ZFP1: variants seen among roughly 807,000 people sequenced by gnomAD.
The protein encoded by ZFP1 is ZFP1 zinc finger protein.
In ZFP1, 32 loss-of-function variants were observed where a neutral mutation model predicts 38.5. The observed-to-expected ratio is 0.83, with a 90% CI of 0.63 to 1.12. The LOEUF is 1.12. ZFP1 is among the 50% of genes most tolerant of loss of function. The probability of loss-of-function intolerance (pLI) is 0.00; values close to 1 mark genes in which losing one functional copy is unlikely to be tolerated. For synonymous variants in ZFP1, 245 were observed against 168.8 expected, an observed-to-expected ratio of 1.45 and a Z score of -3.50; for missense variants, 616 against 480.8, an observed-to-expected ratio of 1.28 and a Z score of -2.63.
chr16:75,121,896 A>G, the ZFP1 span, among the ~76,000 whole-genome samples: 2 of 152,218 alleles, frequency 1.3e-5, no homozygotes, highest in Non-Finnish European at 2.9e-5. Flanking sequence ...GCCAGCATAC[A>G]TTTTTGTTTG....
chr16:75,170,534 A>C lies in ZFP1; in HGVS notation c.*200A>C, dbSNP rs1398063151. The C allele has an allele frequency of 1.3e-6, 1 of 755,548 alleles. No individual in the cohort carries two copies. The highest frequency in any genetic ancestry group is 1.9e-6 in the Non-Finnish European group (1 of 527,062). The allele number at this position is 755,548 out of a possible 1,614,324, so 46.8% of individuals were successfully genotyped here. On this transcript the variant is annotated 3_prime_UTR_variant, in exon 4 of 4. Coordinates refer to ENST00000570010, the MANE Select transcript of ZFP1 (RefSeq NM_153688.4). Reference sequence around the variant, plus strand: ...TACCCAGCTAAAGAATACATATCAGAATATATCCAGTTGTAAATAGCCATA... The same window carrying C: ...TACCCAGCTAAAGAATACATATCAGCATATATCCAGTTGTAAATAGCCATA...
At chr16:75,149,475 A>G (rs1380993041) in intron 1 of ZFP1, among the ~76,000 whole-genome samples, 1 of 152,118 alleles carries the variant, frequency 6.6e-6, no homozygotes, top group Admixed American at 6.5e-5. Context: ...GTTTCTGTCA[A>G]CGAGGGACCT....
intron 2 of ZFP1, among the ~76,000 whole-genome samples, chr16:75,165,924 C>T (rs2038052231): frequency 6.6e-6 from 1 of 152,092 alleles, no homozygotes; most frequent in Non-Finnish European, 1.5e-5. Flanking sequence ...TTTTGCATTT[C>T]AGTTTAGATA....
the ZFP1 span, among the ~76,000 whole-genome samples, chr16:75,135,769 G>C: frequency 6.6e-6 from 1 of 152,178 alleles, no homozygotes; most frequent in African/African-American, 2.4e-5. Flanking sequence ...ACCACACTGA[G>C]TGAAACAATA....
upstream of ZFP1, among the ~76,000 whole-genome samples, chr16:75,143,869 G>T (rs1189974032): frequency 6.6e-6 from 1 of 151,640 alleles, no homozygotes; most frequent in South Asian, 2.1e-4. Context: ...CCCCAGGCTT[G>T]TCTCAAACTC....
Position 75,169,441 on chromosome 16 carries a change from A to G in ZFP1, c.331A>G (p.Lys111Glu). 6.2e-7 allele frequency: 1 copy of G among 1,612,830 alleles called. No homozygotes were observed. The highest frequency in any genetic ancestry group is 8.5e-7 in the Non-Finnish European group (1 of 1,179,716). ...ACCTTATAAATATGACTTATATGAA[A>G]AAACTTTGAAATATAATTCAGACTT... ...QVPYKYDLYEKTLKYNSDLLN... is the reference protein window; with the variant it reads ...QVPYKYDLYEETLKYNSDLLN... The change falls in exon 4 of 4, where the codon AAA becomes GAA. Residue 111 changes from lysine to glutamate, a missense_variant. Transcript: ENST00000570010.
upstream of ZFP1, among the ~76,000 whole-genome samples, chr16:75,145,341 A>C (rs1298937658): frequency 4.6e-5 from 7 of 152,232 alleles, no homozygotes; most frequent in Admixed American, 3.3e-4. Flanking sequence ...TGATGCAGCC[A>C]CTTTGGAAGA....
rs2037794164 is a variant in ZFP1 at position 75,161,770 on chromosome 16, ATATATTT to A, written c.16-4998_16-4992del. Among the ~76,000 whole-genome samples, 3 of 8,146 alleles carry A rather than the reference ATATATTT, an allele frequency of 3.7e-4. 1 individual carries two copies. In the Admixed American group the frequency reaches 5.9e-3, roughly 16 times the overall value. The allele number at this position is 8,146 out of a possible 152,430, so 5.3% of individuals were successfully genotyped here. A position where few individuals can be genotyped will look rare whatever the true frequency, so the allele number is the denominator to read the frequency against. ...GTAGTTTTATGAAATATATATATATATATATTTTTTTTTTTTTTTTTTTTTTTTTTCC... is the reference window on the plus strand; with the variant it reads ...GTAGTTTTATGAAATATATATATATATTTTTTTTTTTTTTTTTTTTTTTCC... On this transcript the variant is annotated intron_variant, in intron 2 of 3. Transcript: ENST00000570010.
At chr16:75,162,085 G>A (rs889003051) in intron 2 of ZFP1, among the ~76,000 whole-genome samples, 4 of 151,336 alleles carry the variant, frequency 2.6e-5, no homozygotes, top group East Asian at 1.9e-4. Flanking sequence ...GTGCCCAGCC[G>A]AAATATTTTT....
chr16:75,122,246 G>A, the ZFP1 span, among the ~76,000 whole-genome samples: 3 of 152,200 alleles, frequency 2.0e-5, no homozygotes, highest in African/African-American at 7.2e-5. Context: ...ATTGGATAGG[G>A]TTGGACCGCA....
At chr16:75,163,360 AGTAGT>A (rs1178305762) in intron 2 of ZFP1, among the ~76,000 whole-genome samples, 1 of 151,700 alleles carries the variant, frequency 6.6e-6, no homozygotes, top group Non-Finnish European at 1.5e-5. Flanking sequence ...GCTAGAGTGT[AGTAGT>A]GTAGTGGCAT....
rs145294564 is a variant in ZFP1 at position 75,169,507 on chromosome 16, G to C, written c.397G>C (p.Glu133Gln). 6.2e-7 allele frequency: 1 copy of C among 1,613,146 alleles called. No individual in the cohort carries two copies. The highest frequency in any genetic ancestry group is 1.3e-5 in the African/African-American group (1 of 74,820). ...NRSYAGKQTD[E>Q]CNEFGKALLY... ...AAGCTATGCAGGAAAGCAGACTGAT[G>C]AGTGTAATGAATTTGGAAAAGCACT... The change falls in exon 4 of 4, where the codon GAG becomes CAG. Residue 133 changes from glutamate (E) to glutamine (Q), a missense_variant. By Grantham distance (29) the Glu-to-Gln change is conservative (BLOSUM62 2). Coordinates refer to ENST00000570010, the MANE Select transcript of ZFP1 (RefSeq NM_153688.4).
chr16:75,153,031 G>C, intron 2 of ZFP1, 65 bp downstream of exon 2: 3 of 1,585,456 alleles, frequency 1.9e-6, no homozygotes, highest in Non-Finnish European at 2.6e-6. Context: ...TAAGGATCCA[G>C]AAAATGAAAT....
the ZFP1 span, among the ~76,000 whole-genome samples, chr16:75,126,518 C>T: frequency 6.6e-6 from 1 of 152,182 alleles, no homozygotes; most frequent in African/African-American, 2.4e-5. Flanking sequence ...ATTCTCCTGC[C>T]TCAGCCTCCT....
intron 3 of ZFP1, among the ~76,000 whole-genome samples, chr16:75,167,962 A>C (rs200033872): frequency 6.6e-6 from 1 of 152,122 alleles, no homozygotes; most frequent in South Asian, 2.1e-4. Flanking sequence ...GCATGGTGGC[A>C]TGTGCCTGTA....
At chr16:75,152,168 T>G (rs1321918866) in intron 1 of ZFP1, among the ~76,000 whole-genome samples, 1 of 152,212 alleles carries the variant, frequency 6.6e-6, no homozygotes, top group East Asian at 1.9e-4. Flanking sequence ...GGATACGATG[T>G]GTCCATGTGT....
chr16:75,164,176 T>C (rs1221841456), intron 2 of ZFP1, among the ~76,000 whole-genome samples: 1 of 152,186 alleles, frequency 6.6e-6, no homozygotes, highest in African/African-American at 2.4e-5. Flanking sequence ...ATCATTGAAG[T>C]TTGTGTTGTT....
In ZFP1 at chr16:75,169,635, G is replaced by A. The variant is rs750306825; in HGVS notation, c.525G>A (p.Gln175=). The A allele has an allele frequency of 2.5e-6, 4 of 1,593,172 alleles. No homozygotes were observed. In the South Asian group the frequency reaches 4.6e-5, roughly 18 times the overall value. ...LSHKAAIFKH[Q]KIKNLVQPFI... ...ATAAAGCAGCCATTTTTAAACATCA[G>A]AAAATAAAAAACTTGGTTCAACCTT... The change falls in exon 4 of 4, where the codon CAG becomes CAA. Residue 175 remains glutamine, a synonymous_variant. Transcript: ENST00000570010.
chr16:75,149,491 A>G (rs1032372253), intron 1 of ZFP1, among the ~76,000 whole-genome samples: 10 of 152,240 alleles, frequency 6.6e-5, no homozygotes, highest in African/African-American at 2.4e-4. Context: ...GACCTCATGT[A>G]AAATGGTGGT....
Sources: gnomAD v4.1 joint callset for allele counts (sites outside exome capture counted in the v4.1 genomes callset) on GRCh38, gnomAD v4.1.1 for gene constraint, MANE v1.5 for transcripts, NCBI Gene and HGNC (gene_info 2026-07-23, HGNC 2026-07-21) for gene names.